The following APOBEC3G variants were observed in gnomAD, a reference collection of about 807,000 sequenced individuals.
APOBEC3G encodes apolipoprotein B mRNA editing enzyme catalytic subunit 3G.
APOBEC3G carries 44 observed loss-of-function variants against 50.0 expected under a neutral mutation model. The observed-to-expected ratio is 0.88, with a 90% CI of 0.69 to 1.13. The LOEUF (loss-of-function observed/expected upper bound fraction) is 1.13, where lower values mean the gene tolerates loss of function less well. APOBEC3G is among the 50% of genes most tolerant of loss of function. APOBEC3G has a pLI of 0.00. For synonymous variants in APOBEC3G, 156 were observed against 175.3 expected, an observed-to-expected ratio of 0.89 and a Z score of 0.87; for missense variants, 469 against 492.0, an observed-to-expected ratio of 0.95 and a Z score of 0.44.
At chr22:39,078,328 G>C (rs1224355464) in intron 1 of APOBEC3G, among the ~76,000 whole-genome samples, 2 of 152,184 alleles carry the variant, frequency 1.3e-5, no homozygotes, top group Non-Finnish European at 2.9e-5. Flanking sequence ...ATGATCAGGA[G>C]GAATGTTGTT....
In APOBEC3G at chr22:39,086,366, C is replaced by G. The variant is rs17496046; in HGVS notation, c.823C>G (p.Gln275Glu). ...VIPFWKLDLDQDYRVTCFTSW... is the reference protein window; with the variant it reads ...VIPFWKLDLDEDYRVTCFTSW... ...TCCCTTTTGGAAGCTGGACCTGGAC[C>G]AGGACTACAGGGTTACCTGCTTCAC... Residue 275 changes from glutamine (Q) to glutamate (E), a missense_variant, in exon 6 of 8, where the codon CAG (glutamine) becomes GAG (glutamate). Coordinates refer to ENST00000407997, the MANE Select transcript of APOBEC3G (RefSeq NM_021822.4). The G allele has an allele frequency of 0.068, 109,178 of 1,613,934 alleles. 4,282 individuals are homozygous for G. The highest frequency in any genetic ancestry group is 0.14 in the African/African-American group (10,151 of 74,984).
Position 39,081,525 on chromosome 22 carries a change from C to G in APOBEC3G, c.521C>G (p.Pro174Arg), listed in dbSNP as rs1417829033. 6.2e-7 allele frequency: 1 copy of G among 1,614,184 alleles called. No homozygotes were observed. Among genetic ancestry groups the G allele is most frequent in the Admixed American group, 1.7e-5 (1 of 60,024 alleles). Residue 174 changes from proline to arginine, a missense_variant, in exon 4 of 8, where the codon CCT (proline) becomes CGT (arginine). Transcript: ENST00000407997. ...FVYSQRELFE[P>R]WNNLPKYYIL... ...TACAGCCAAAGAGAGCTATTTGAGC[C>G]TTGGAATAATCTGCCTAAATATTAT...
rs1391306559 is a variant in APOBEC3G, at chr22:39,081,057, A to C, written c.296A>C (p.Lys99Thr). 2 of 1,614,160 alleles carry C rather than the reference A, an allele frequency of 1.2e-6. No individual in the cohort carries two copies. Among genetic ancestry groups the C allele is most frequent in the Non-Finnish European group, 1.7e-6 (2 of 1,180,026 alleles). ...TWYISWSPCT[K>T]CTRDMATFLA... ...TACATATCCTGGAGCCCCTGCACAA[A>C]GTGTACAAGGGATATGGCCACGTTC... The change falls in exon 3 of 8, where the codon AAG becomes ACG. Residue 99 changes from lysine (K) to threonine (T), a missense_variant. Coordinates refer to ENST00000407997, the MANE Select transcript of APOBEC3G (RefSeq NM_021822.4).
rs1601525734 is a variant in APOBEC3G at position 39,086,522 on chromosome 22, A to G, written c.979A>G (p.Thr327Ala). ...AGGAAGATGTCAGGAGGGGCTGCGCACCCTGGCCGAGGCTGGGGCCAAAAT... is the reference window on the plus strand; with the variant it reads ...AGGAAGATGTCAGGAGGGGCTGCGCGCCCTGGCCGAGGCTGGGGCCAAAAT... ...DQGRCQEGLR[T>A]LAEAGAKISI... Residue 327 changes from threonine to alanine, a missense_variant, in exon 6 of 8, where the codon ACC (threonine) becomes GCC (alanine). Coordinates refer to ENST00000407997, the MANE Select transcript of APOBEC3G (RefSeq NM_021822.4). 3.7e-6 allele frequency: 6 copies of G among 1,612,130 alleles called. No individual in the cohort carries two copies. In the East Asian group the frequency reaches 1.1e-4, roughly 30 times the overall value.
intron 1 of APOBEC3G, 68 bp from the exon 2 acceptor site, chr22:39,078,864 T>C (rs1436373731): frequency 6.3e-7 from 1 of 1,589,336 alleles, no homozygotes; most frequent in African/African-American, 1.3e-5. Flanking sequence ...CTGTGTTTAG[T>C]GGACATCAGC....
chr22:39,084,003 T>C, intron 5 of APOBEC3G, 119 bp downstream of exon 5: 1 of 1,272,198 alleles, frequency 7.9e-7, no homozygotes, highest in South Asian at 1.6e-5. Flanking sequence ...CTGTGCTTCC[T>C]GTAGCTGCTG....
At chr22:39,081,839 A>G (rs1928476746) in intron 4 of APOBEC3G, 2 of 437,832 alleles carry the variant, frequency 4.6e-6, no homozygotes, top group Admixed American at 4.0e-5. Flanking sequence ...AGCAACCTCC[A>G]TCCACCCCCA....
rs1328559951 is a variant in APOBEC3G, at chr22:39,083,908, C to A, written c.735+24C>A. The A allele has an allele frequency of 3.1e-6, 5 of 1,606,698 alleles. No individual in the cohort carries two copies. The East Asian group carries it at 1.1e-4, about 36-fold the overall frequency. ...AGGTGACCAACCCAGCCACCCGCAT[C>A]CAGGCAGGGCCCTCCCAACCCAGGG... is the stretch of plus-strand genomic sequence containing the variant. On this transcript the variant is annotated intron_variant, in intron 5 of 7. Transcript: ENST00000407997.
chr22:39,078,517 G>A (rs1167240077), intron 1 of APOBEC3G: 8 of 163,888 alleles, frequency 4.9e-5, no homozygotes, highest in Non-Finnish European at 9.3e-5. Context: ...TCTGTAAGAC[G>A]GGAATGGCCC....
Position 39,086,471 on chromosome 22 carries a change from T to C in APOBEC3G, c.928T>C (p.Phe310Leu), listed in dbSNP as rs1429548291. 6.2e-7 allele frequency: 1 copy of C among 1,614,196 alleles called. No homozygotes were observed. Among genetic ancestry groups the C allele is most frequent in the Non-Finnish European group, 8.5e-7 (1 of 1,180,034 alleles). The change falls in exon 6 of 8, where the codon TTC becomes CTC. Residue 310 changes from phenylalanine to leucine, a missense_variant. By Grantham distance (22) the Phe-to-Leu change is conservative (BLOSUM62 0). Coordinates refer to ENST00000407997, the MANE Select transcript of APOBEC3G (RefSeq NM_021822.4). The part of the protein sequence containing the change: ...SKNKHVSLCI[F>L]TARIYDDQGR... ...AAACAAACACGTGAGCCTGTGCATC[T>C]TCACTGCCCGCATCTATGATGATCA... is the stretch of plus-strand genomic sequence containing the variant.
intron 5 of APOBEC3G, among the ~76,000 whole-genome samples, chr22:39,084,767 G>GC: frequency 1.3e-5 from 2 of 152,324 alleles, no homozygotes; most frequent in Middle Eastern, 3.4e-3. Flanking sequence ...GCCAGAACAG[G>GC]CCCCAAGTCA....
chr22:39,080,819 C>T, intron 2 of APOBEC3G, 114 bp from the exon 3 acceptor site: 2 of 964,298 alleles, frequency 2.1e-6, no homozygotes, highest in East Asian at 2.6e-5. Flanking sequence ...AGGAAAGGAG[C>T]TTCAATGGCA....
At chr22:39,079,484 A>ATT (rs111930803) in intron 2 of APOBEC3G, 5 of 164,686 alleles carry the variant, frequency 3.0e-5, no homozygotes, top group Non-Finnish European at 6.5e-5. Flanking sequence ...CGCCCAGCTG[A>ATT]TTTTTTTTTT....
In APOBEC3G at chr22:39,086,415, G is replaced by A; in HGVS notation, c.872G>A (p.Cys291Tyr). ...ACCTCCTGGAGCCCCTGCTTCAGCT[G>A]TGCCCAGGAAATGGCTAAATTCATT... ...CFTSWSPCFS[C>Y]AQEMAKFISK... Residue 291 changes from cysteine to tyrosine, a missense_variant, in exon 6 of 8, where the codon TGT (cysteine) becomes TAT (tyrosine). Coordinates refer to ENST00000407997, the MANE Select transcript of APOBEC3G (RefSeq NM_021822.4). The A allele has an allele frequency of 6.2e-7, 1 of 1,614,164 alleles. No individual in the cohort carries two copies. Among genetic ancestry groups the A allele is most frequent in the Non-Finnish European group, 8.5e-7 (1 of 1,180,028 alleles).
In APOBEC3G at chr22:39,081,035, A is replaced by G. The variant is rs765028146; in HGVS notation, c.274A>G (p.Ile92Val). Residue 92 changes from isoleucine to valine, a missense_variant, in exon 3 of 8, where the codon ATA (isoleucine) becomes GTA (valine). By Grantham distance (29) the Ile-to-Val change is conservative. Transcript: ENST00000407997. Reference protein sequence around the residue: ...RDQEYEVTWYISWSPCTKCTR... With the variant: ...RDQEYEVTWYVSWSPCTKCTR... ...CCAGGAGTATGAGGTCACCTGGTAC[A>G]TATCCTGGAGCCCCTGCACAAAGTG... The G allele has an allele frequency of 2.5e-6, 4 of 1,614,152 alleles. No individual in the cohort carries two copies. The highest frequency in any genetic ancestry group is 1.1e-5 in the South Asian group (1 of 91,080).
chr22:39,079,153 G>A (rs935014066), intron 2 of APOBEC3G, 68 bp downstream of exon 2: 1 of 1,547,134 alleles, frequency 6.5e-7, no homozygotes. Flanking sequence ...ACCACGCACT[G>A]ATAAGTGAAG....
intron 6 of APOBEC3G, 27 bp downstream of exon 6, chr22:39,086,594 G>A: frequency 6.4e-7 from 1 of 1,567,734 alleles, no homozygotes; most frequent in South Asian, 1.2e-5. Flanking sequence ...GGAGTAGGAT[G>A]GGGTCAGCCA....
intron 2 of APOBEC3G, 65 bp from the exon 3 acceptor site, chr22:39,080,868 G>GCCCCCC: frequency 8.6e-7 from 1 of 1,168,542 alleles, no homozygotes; most frequent in Non-Finnish European, 1.2e-6. Flanking sequence ...TCCTCCCCCT[G>GCCCCCC]CCCCACCCCT....
intron 5 of APOBEC3G, 102 bp downstream of exon 5, chr22:39,083,986 C>CT: frequency 1.4e-6 from 2 of 1,393,342 alleles, no homozygotes; most frequent in Non-Finnish European, 1.9e-6. Context: ...TGCAGAGTGT[C>CT]TGTCACCTGT....
Sources: allele counts gnomAD v4.1 joint callset (sites outside exome capture counted in the v4.1 genomes callset), GRCh38; gene constraint gnomAD v4.1.1; transcripts MANE v1.5; gene names NCBI Gene and HGNC (gene_info 2026-07-23, HGNC 2026-07-21).